ALDH18A1: variants seen among roughly 807,000 people sequenced by gnomAD.
The protein encoded by ALDH18A1 is aldehyde dehydrogenase 18 family member A1.
A neutral mutation model predicts 88.8 loss-of-function variants in ALDH18A1; 44 were observed. That is an observed-to-expected ratio of 0.50 (90% CI 0.39 to 0.64). ALDH18A1 has a LOEUF of 0.64. Ranked by LOEUF, ALDH18A1 falls within the 30% of genes least tolerant of loss-of-function variation. The pLI is 0.00. For missense variants in ALDH18A1, 782 were observed against 1,009.5 expected (o/e 0.77, Z 3.05); for synonymous variants, 331 against 372.1 (o/e 0.89, Z 1.27).
intron 5 of ALDH18A1, among the ~76,000 whole-genome samples, chr10:95,636,768 A>T (rs1320406981): frequency 6.6e-6 from 1 of 152,252 alleles, no homozygotes; most frequent in East Asian, 1.9e-4. Context: ...TGTCTTCAGA[A>T]GTGTTAGCAC....
intron 17 of ALDH18A1, among the ~76,000 whole-genome samples, chr10:95,607,163 CTCT>C (rs2097824334): frequency 6.6e-6 from 1 of 152,188 alleles, no homozygotes; most frequent in Non-Finnish European, 1.5e-5. Flanking sequence ...AGTGTGTGGA[CTCT>C]TCTTCTGTAT....
At chr10:95,622,472 G>A (rs1460214917) in intron 11 of ALDH18A1, among the ~76,000 whole-genome samples, 1 of 152,248 alleles carries the variant, frequency 6.6e-6, no homozygotes, top group East Asian at 1.9e-4. Flanking sequence ...AAAGTGCTGG[G>A]ATTACTGGTA....
intron 5 of ALDH18A1, 51 bp from the exon 6 acceptor site, chr10:95,633,700 T>C (rs759080150): frequency 6.3e-7 from 1 of 1,597,884 alleles, no homozygotes; most frequent in South Asian, 1.1e-5. Flanking sequence ...AACGCTAAAC[T>C]TCCCAGTATA....
chr10:95,616,897 C>G (rs2097845108), intron 12 of ALDH18A1, among the ~76,000 whole-genome samples: 1 of 152,218 alleles, frequency 6.6e-6, no homozygotes, highest in African/African-American at 2.4e-5. Context: ...GACTCCAGAA[C>G]AAACCACTGG....
chr10:95,630,438 C>T (rs11188406), intron 7 of ALDH18A1, among the ~76,000 whole-genome samples: 42,090 of 152,200 alleles, frequency 0.28, 6,796 homozygotes, highest in Admixed American at 0.4. Flanking sequence ...ATTGGCCAGG[C>T]GCCGTGGCTC....
rs752285111 is a variant in ALDH18A1 at position 95,613,838 on chromosome 10, T to G, written c.1827A>C (p.Pro609=). 6.2e-7 allele frequency: 1 copy of G among 1,614,210 alleles called. No homozygotes were observed. The highest frequency in any genetic ancestry group is 1.3e-5 in the African/African-American group (1 of 75,062). Residue 609 remains proline (P), a synonymous_variant, in exon 15 of 18, where the codon CCA becomes CCC. Transcript: ENST00000371224. ...RLVRDSKCEY[P]AACNALETLL... ...AAGTCTCCAAAGCATTACAGGCAGC[T>G]GGATATTCACATTTAGAGTCTCTGA...
At chr10:95,647,763 T>C (rs2139653779) in intron 2 of ALDH18A1, among the ~76,000 whole-genome samples, 2 of 152,370 alleles carry the variant, frequency 1.3e-5, no homozygotes, top group Middle Eastern at 6.8e-3. Flanking sequence ...GTCACATTCT[T>C]TTTGTTCAAT....
chr10:95,648,280 G>A (rs1203661175), intron 2 of ALDH18A1, among the ~76,000 whole-genome samples: 1 of 152,028 alleles, frequency 6.6e-6, no homozygotes. Context: ...TATGGAGTGA[G>A]AGCAGAGGAA....
intron 1 of ALDH18A1, among the ~76,000 whole-genome samples, chr10:95,654,271 T>C (rs1200052984): frequency 6.6e-5 from 10 of 151,742 alleles, no homozygotes; most frequent in Admixed American, 6.6e-4. Flanking sequence ...TTCAAGTGAT[T>C]CCCCTGCCTC....
intron 6 of ALDH18A1, 90 bp from the exon 7 acceptor site, chr10:95,633,139 C>T: frequency 1.6e-6 from 2 of 1,237,726 alleles, no homozygotes; most frequent in East Asian, 2.4e-5. Flanking sequence ...CAGGCAAAAC[C>T]AAGCTAGGAT....
rs55659918 is a variant in ALDH18A1 at position 95,609,769 on chromosome 10, ATTTTTT to A, written c.2206+422_2206+427del. 4.5e-3 allele frequency among the ~76,000 whole-genome samples: 515 copies of A among 114,226 alleles called. 10 individuals are homozygous for A. The highest frequency in any genetic ancestry group is 0.017 in the African/African-American group (488 of 29,110). The allele number at this position is 114,226 out of a possible 152,430, so 74.9% of individuals were successfully genotyped here. ...CCTACCTTGCCAGAAGTCTGTCTCT[ATTTTTT>A]TTTTTTTTTTGAGATGGTGTCTCAC... On this transcript the variant is annotated intron_variant, in intron 17 of 17. Coordinates refer to ENST00000371224, the MANE Select transcript of ALDH18A1 (RefSeq NM_002860.4).
intron 2 of ALDH18A1, among the ~76,000 whole-genome samples, chr10:95,652,820 C>T (rs1386007844): frequency 6.6e-6 from 1 of 152,036 alleles, no homozygotes; most frequent in Non-Finnish European, 1.5e-5. Flanking sequence ...TACCTCTTTG[C>T]CTCCTTGCTA....
At chr10:95,650,928 G>A (rs1334277033) in intron 2 of ALDH18A1, among the ~76,000 whole-genome samples, 1 of 152,162 alleles carries the variant, frequency 6.6e-6, no homozygotes, top group Non-Finnish European at 1.5e-5. Context: ...GAGGTCAGGA[G>A]TTTGACACCA....
At chr10:95,623,325 T>G (rs1022707547) in intron 11 of ALDH18A1, among the ~76,000 whole-genome samples, 1 of 152,232 alleles carries the variant, frequency 6.6e-6, no homozygotes, top group Non-Finnish European at 1.5e-5. Context: ...CCTATGTTAT[T>G]AAATGCTCAG....
rs1192700231 is a variant in ALDH18A1 at position 95,642,960 on chromosome 10, T to C, written c.303+32A>G. 1.9e-6 allele frequency: 3 copies of C among 1,610,228 alleles called. No homozygotes were observed. The African/African-American group carries it at 4.0e-5, about 22-fold the overall frequency. Reference sequence around the variant, plus strand: ...AACTAGCGACTTAAAAACCCAATTTTAGTACAGCATAATTTCTATCTTGGC... The same window carrying C: ...AACTAGCGACTTAAAAACCCAATTTCAGTACAGCATAATTTCTATCTTGGC... On this transcript the variant is annotated intron_variant, in intron 3 of 17. Coordinates refer to ENST00000371224, the MANE Select transcript of ALDH18A1 (RefSeq NM_002860.4).
At chr10:95,607,682 A>C (rs1349357305) in intron 17 of ALDH18A1, among the ~76,000 whole-genome samples, 1 of 152,198 alleles carries the variant, frequency 6.6e-6, no homozygotes, top group Admixed American at 6.5e-5. Context: ...AGGTGAGTAA[A>C]TAGTCTCCTG....
At position 95,606,720 on chromosome 10, in the gene ALDH18A1, G is replaced by C; in HGVS notation, c.*42C>G. On this transcript the variant is annotated 3_prime_UTR_variant, in exon 18 of 18. Coordinates refer to ENST00000371224, the MANE Select transcript of ALDH18A1 (RefSeq NM_002860.4). ...TCTCCTGAGATAAGACAAGTTTAAC[G>C]TGAAGACCTTTTGGAAAATTCCCGG... 2 of 1,613,904 alleles carry C rather than the reference G, an allele frequency of 1.2e-6. No homozygotes were observed. Among genetic ancestry groups the C allele is most frequent in the Middle Eastern group, 3.3e-4 (2 of 6,048 alleles).
At position 95,633,527 on chromosome 10, in the gene ALDH18A1, G is replaced by C; in HGVS notation, c.681C>G (p.Pro227=). Residue 227 remains proline, a synonymous_variant, in exon 6 of 18, where the codon CCC becomes CCG. Transcript: ENST00000371224. Reference sequence around the variant, plus strand: ...GCAGGTCACTGTTGGGCTCAGCTGGGGGGACAACAGCATCATTTGTGTTGA... The same window carrying C: ...GCAGGTCACTGTTGGGCTCAGCTGGCGGGACAACAGCATCATTTGTGTTGA... ...PIVNTNDAVV[P]PAEPNSDLQG... is the part of the protein sequence containing the mutation. The C allele has an allele frequency of 1.9e-6, 3 of 1,614,160 alleles. No individual in the cohort carries two copies. Among genetic ancestry groups the C allele is most frequent in the Non-Finnish European group, 2.5e-6 (3 of 1,180,038 alleles).
intron 2 of ALDH18A1, among the ~76,000 whole-genome samples, chr10:95,643,930 G>T (rs1165042452): frequency 6.6e-6 from 1 of 152,206 alleles, no homozygotes; most frequent in Non-Finnish European, 1.5e-5. Flanking sequence ...GATCACCTGA[G>T]GTCAGGAGTT....
Sources: gnomAD v4.1 joint callset for allele counts (sites outside exome capture counted in the v4.1 genomes callset) on GRCh38, gnomAD v4.1.1 for gene constraint, MANE v1.5 for transcripts, NCBI Gene and HGNC (gene_info 2026-07-23, HGNC 2026-07-21) for gene names.